Variants in YWHAE observed in about 807,000 individuals in gnomAD.
YWHAE encodes tyrosine 3-monooxygenase/tryptophan 5-monooxygenase activation protein epsilon.
YWHAE carries 4 observed loss-of-function variants against 30.1 expected under a neutral mutation model. The observed-to-expected ratio is 0.13, with a 90% CI of 0.07 to 0.30. The LOEUF is 0.30. YWHAE is among the 10% of genes least tolerant of loss of function. YWHAE has a pLI of 1.00. For missense variants in YWHAE, 121 were observed against 315.9 expected (o/e 0.38, Z 4.68); for synonymous variants, 118 against 111.8 (o/e 1.06, Z -0.35).
intron 1 of YWHAE, among the ~76,000 whole-genome samples, chr17:1,398,343 C>A (rs1598278024): frequency 6.7e-6 from 1 of 149,510 alleles, no homozygotes; most frequent in African/African-American, 2.4e-5. Context: ...ATCCCCCCCC[C>A]CAACAGGAAC....
chr17:1,399,847 A>C (rs1054117074), intron 1 of YWHAE, 200 bp downstream of exon 1: 4 of 570,374 alleles, frequency 7.0e-6, no homozygotes, highest in Admixed American at 2.9e-5. Flanking sequence ...GTTTGCAGTT[A>C]AGGACGGCGA....
chr17:1,394,109 C>G (rs1056630796), intron 1 of YWHAE, among the ~76,000 whole-genome samples: 2 of 152,058 alleles, frequency 1.3e-5, no homozygotes, highest in African/African-American at 2.4e-5. Context: ...GTAAGTGTAC[C>G]GATCTAAAGG....
chr17:1,397,222 A>C (rs2073487878), intron 1 of YWHAE, among the ~76,000 whole-genome samples: 1 of 152,108 alleles, frequency 6.6e-6, no homozygotes, highest in African/African-American at 2.4e-5. Context: ...TTCTTGTACT[A>C]TTTCATATAC....
intron 2 of YWHAE, among the ~76,000 whole-genome samples, chr17:1,363,467 T>C (rs2072894281): frequency 6.6e-6 from 1 of 152,076 alleles, no homozygotes; most frequent in Admixed American, 6.6e-5. Context: ...GGTTTCACCA[T>C]GTCGGTCAGG....
At chr17:1,361,042 G>T in intron 4 of YWHAE, 50 bp downstream of exon 4, 2 of 1,538,356 alleles carry the variant, frequency 1.3e-6, no homozygotes, top group Non-Finnish European at 1.8e-6. Flanking sequence ...CCCAAACAGC[G>T]CCCCCCTTAA....
At chr17:1,360,029 C>T (rs914736606) in intron 4 of YWHAE, among the ~76,000 whole-genome samples, 2 of 151,746 alleles carry the variant, frequency 1.3e-5, no homozygotes, top group African/African-American at 2.4e-5. Flanking sequence ...CTGGTGCAAT[C>T]GAGGCTCACC....
chr17:1,374,785 T>C (rs184341478), intron 1 of YWHAE, among the ~76,000 whole-genome samples: 180 of 152,304 alleles, frequency 1.2e-3, no homozygotes, highest in African/African-American at 4.0e-3. Flanking sequence ...TGTCTTTTCA[T>C]TATTGGTATG....
At chr17:1,355,951 G>A (rs760125496) in intron 4 of YWHAE, among the ~76,000 whole-genome samples, 1 of 152,040 alleles carries the variant, frequency 6.6e-6, no homozygotes, top group African/African-American at 2.4e-5. Flanking sequence ...GGCGGATCAC[G>A]TGGTTAGGAG....
At chr17:1,347,911 T>C (rs2072553542) in intron 5 of YWHAE, 2 of 973,972 alleles carry the variant, frequency 2.1e-6, no homozygotes, top group South Asian at 9.6e-5. Flanking sequence ...GCATGATTAG[T>C]GAAGAACCAA....
In YWHAE at chr17:1,371,963, C is replaced by T. The variant is rs556836308; in HGVS notation, c.65-6905G>A. 1.6e-3 allele frequency among the ~76,000 whole-genome samples: 249 copies of T among 152,104 alleles called. 2 individuals are homozygous for T. The highest frequency in any genetic ancestry group is 5.4e-3 in the African/African-American group (225 of 41,494). ...AAGCGATTCTCCTGCCTCAACTTCC[C>T]GAGTAGCTGGGATTACAGGCGTCTG... On this transcript the variant is annotated intron_variant, in intron 1 of 5. Coordinates refer to ENST00000264335, the MANE Select transcript of YWHAE (RefSeq NM_006761.5).
At chr17:1,352,700 T>G (rs9911614) in intron 5 of YWHAE, among the ~76,000 whole-genome samples, 11,895 of 152,114 alleles carry the variant, frequency 0.078, 1,437 homozygotes, top group African/African-American at 0.26. Context: ...CAATTTTTTG[T>G]ATACTTAGTA....
chr17:1,347,196 A>G (rs1197034992), intron 5 of YWHAE, among the ~76,000 whole-genome samples: 2 of 148,990 alleles, frequency 1.3e-5, no homozygotes, highest in African/African-American at 2.5e-5. Flanking sequence ...AAAATTAGCC[A>G]GGCATGGTGG....
At chr17:1,372,719 G>A (rs751788049) in intron 1 of YWHAE, among the ~76,000 whole-genome samples, 14 of 151,638 alleles carry the variant, frequency 9.2e-5, no homozygotes, top group East Asian at 7.8e-4. Context: ...TTGGGAGGCC[G>A]AAGGCAGGAA....
chr17:1,386,475 G>T (rs776752394), intron 1 of YWHAE, among the ~76,000 whole-genome samples: 1 of 152,222 alleles, frequency 6.6e-6, no homozygotes, highest in Non-Finnish European at 1.5e-5. Flanking sequence ...AAAGTGTCTA[G>T]AACAGTGCCT....
intron 1 of YWHAE, among the ~76,000 whole-genome samples, chr17:1,396,846 T>G (rs1457249300): frequency 2.0e-5 from 3 of 152,062 alleles, no homozygotes; most frequent in Non-Finnish European, 4.4e-5. Context: ...GGTCTCGAAC[T>G]TCTGACTTCA....
chr17:1,379,296 G>A (rs772787014), intron 1 of YWHAE, among the ~76,000 whole-genome samples: 6 of 151,928 alleles, frequency 3.9e-5, no homozygotes, highest in Non-Finnish European at 8.8e-5. Flanking sequence ...CCCAGTCTGG[G>A]GAGCACGGCA....
chr17:1,358,829 T>TAA (rs35681702), intron 4 of YWHAE, among the ~76,000 whole-genome samples: 28,928 of 111,044 alleles, frequency 0.26, 4,243 homozygotes, highest in South Asian at 0.33. Context: ...GACTCCATCT[T>TAA]AAAAAAAAAA....
chr17:1,359,129 C>G (rs1004701356), intron 4 of YWHAE, among the ~76,000 whole-genome samples: 2 of 151,032 alleles, frequency 1.3e-5, no homozygotes, highest in Non-Finnish European at 2.9e-5. Flanking sequence ...GTGCCAGGCT[C>G]TCCCTCAAAA....
chr17:1,399,710 T>G (rs2073536271), intron 1 of YWHAE: 1 of 488,606 alleles, frequency 2.0e-6, no homozygotes, highest in Admixed American at 3.4e-5. Context: ...CCCATGAGGG[T>G]GGCTCGTTCG....
Sources: allele counts gnomAD v4.1 joint callset (sites outside exome capture counted in the v4.1 genomes callset), GRCh38; gene constraint gnomAD v4.1.1; transcripts MANE v1.5; gene names NCBI Gene and HGNC (gene_info 2026-07-23, HGNC 2026-07-21).